SLC6A5: variants seen among roughly 807,000 people sequenced by gnomAD.
The protein encoded by SLC6A5 is solute carrier family 6 member 5.
A neutral mutation model predicts 90.5 loss-of-function variants in SLC6A5; 58 were observed. The observed-to-expected ratio is 0.64, with a 90% CI of 0.52 to 0.80. The LOEUF is 0.80. SLC6A5 is among the 30% of genes least tolerant of loss of function. SLC6A5 has a pLI of 0.00. For synonymous variants in SLC6A5, 427 were observed against 401.4 expected, an observed-to-expected ratio of 1.06 and a Z score of -0.76; for missense variants, 1,015 against 1,017.6, an observed-to-expected ratio of 1.00 and a Z score of 0.03.
At chr11:20,641,645 G>C (rs751556323) in intron 13 of SLC6A5, among the ~76,000 whole-genome samples, 3 of 152,106 alleles carry the variant, frequency 2.0e-5, no homozygotes, top group Non-Finnish European at 4.4e-5. Context: ...ACCAATTTCA[G>C]GGTGTAGTGT....
intron 11 of SLC6A5, 43 bp downstream of exon 11, chr11:20,636,462 A>C: frequency 8.0e-7 from 1 of 1,253,872 alleles, no homozygotes; most frequent in East Asian, 2.3e-5. Flanking sequence ...GCTCCTCTTG[A>C]AGACTCCCCC....
intron 14 of SLC6A5, among the ~76,000 whole-genome samples, chr11:20,648,408 C>T (rs1406482402): frequency 1.3e-5 from 2 of 152,142 alleles, no homozygotes; most frequent in African/African-American, 4.8e-5. Flanking sequence ...CAGCATTGAT[C>T]TCCCTCTGCG....
intron 1 of SLC6A5, among the ~76,000 whole-genome samples, chr11:20,600,526 A>C (rs929016747): frequency 8.5e-5 from 13 of 152,102 alleles, no homozygotes; most frequent in Admixed American, 8.5e-4. Context: ...TCTTAAATTT[A>C]GTTTATTATC....
intron 1 of SLC6A5, among the ~76,000 whole-genome samples, chr11:20,600,789 C>T (rs1031354032): frequency 6.6e-6 from 1 of 152,130 alleles, no homozygotes; most frequent in Non-Finnish European, 1.5e-5. Context: ...TGCGGGCACC[C>T]ACAGCTGTGA....
intron 6 of SLC6A5, among the ~76,000 whole-genome samples, chr11:20,615,500 T>A (rs1426808815): frequency 6.6e-6 from 1 of 152,154 alleles, no homozygotes; most frequent in Admixed American, 6.5e-5. Flanking sequence ...CCCGAGGAGC[T>A]GGGACTACAG....
intron 7 of SLC6A5, among the ~76,000 whole-genome samples, chr11:20,620,171 G>C (rs987647166): frequency 2.0e-5 from 3 of 152,188 alleles, no homozygotes; most frequent in African/African-American, 7.2e-5. Flanking sequence ...TGAGTGGCCA[G>C]ACAGGTGCCT....
At position 20,611,767 on chromosome 11, in the gene SLC6A5, G is replaced by GAAA. The variant is rs56739547; in HGVS notation, c.986-2899_986-2897dup. Among the ~76,000 whole-genome samples, 36 of 144,074 alleles carry GAAA rather than the reference G, an allele frequency of 2.5e-4. No homozygotes were observed. In the East Asian group the frequency reaches 6.1e-3, roughly 24 times the overall value. The allele number at this position is 144,074 out of a possible 152,430, so 94.5% of individuals were successfully genotyped here. On this transcript the variant is annotated intron_variant, in intron 5 of 15. Transcript: ENST00000525748. ...GGTTTATTTGTTTATTTATTTTGGT[G>GAAA]AAAAAAAAAAAAAAACAAGGTGTCA...
chr11:20,634,925 T>C (rs1175102175), intron 10 of SLC6A5, among the ~76,000 whole-genome samples: 1 of 152,196 alleles, frequency 6.6e-6, no homozygotes, highest in Non-Finnish European at 1.5e-5. Flanking sequence ...TTTAGTTTTC[T>C]ACTTACAGGA....
intron 7 of SLC6A5, among the ~76,000 whole-genome samples, chr11:20,624,803 G>A (rs527798845): frequency 2.6e-5 from 4 of 152,294 alleles, no homozygotes; most frequent in South Asian, 2.1e-4. Context: ...CCTGTGAGTC[G>A]AGCGCTGTCA....
intron 7 of SLC6A5, among the ~76,000 whole-genome samples, chr11:20,620,148 C>T (rs1852862624): frequency 1.3e-5 from 2 of 152,158 alleles, no homozygotes; most frequent in Admixed American, 6.5e-5. Flanking sequence ...ACAAGCTGAC[C>T]TCAACCATGA....
At chr11:20,614,981 G>C (rs1022968030) in intron 6 of SLC6A5, among the ~76,000 whole-genome samples, 161 bp downstream of exon 6, 1 of 152,220 alleles carries the variant, frequency 6.6e-6, no homozygotes, top group African/African-American at 2.4e-5. Context: ...GTTGTGTCTT[G>C]TGAGCCTGGA....
Position 20,615,035 on chromosome 11 carries a change from C to A in SLC6A5, c.1127+215C>A, listed in dbSNP as rs139941593. ...GACAGCAGTAGGAGCAGAATCATTG[C>A]GGCTATAATTCATGATGCTGATGAA... On this transcript the variant is annotated intron_variant, in intron 6 of 15. Coordinates refer to ENST00000525748, the MANE Select transcript of SLC6A5 (RefSeq NM_004211.5). Among the ~76,000 whole-genome samples, 137 of 152,252 alleles carry A rather than the reference C, an allele frequency of 9.0e-4. No individual in the cohort carries two copies. In the Middle Eastern group the frequency reaches 0.02, roughly 23 times the overall value.
Position 20,601,539 on chromosome 11 carries a change from G to C in SLC6A5, c.414G>C (p.Lys138Asn). The C allele has an allele frequency of 6.2e-7, 1 of 1,614,152 alleles. No homozygotes were observed. Among genetic ancestry groups the C allele is most frequent in the South Asian group, 1.1e-5 (1 of 91,078 alleles). The change falls in exon 2 of 16, where the codon AAG (lysine) becomes AAC (asparagine). Residue 138 changes from lysine to asparagine, a missense_variant. By Grantham distance (94) the Lys-to-Asn change is moderately conservative. Around this residue, in one of 3 missense-constraint regions of SLC6A5, gnomAD observed 567 missense variants for 507.3 expected, o/e 1.12. Coordinates refer to ENST00000525748, the MANE Select transcript of SLC6A5 (RefSeq NM_004211.5). ...PEGDANVSVGKGTLERNNTPV... is the reference protein window; with the variant it reads ...PEGDANVSVGNGTLERNNTPV... ...GGGATGCGAACGTGAGTGTGGGCAA[G>C]GGCACCCTGGAGCGGAACAATACCC...
chr11:20,633,459 G>C (rs1460684603), intron 10 of SLC6A5, among the ~76,000 whole-genome samples: 3 of 152,186 alleles, frequency 2.0e-5, no homozygotes, highest in Non-Finnish European at 4.4e-5. Context: ...CATATCCTCA[G>C]AGAGCTCATT....
At chr11:20,626,993 A>AT in intron 8 of SLC6A5, 151 bp downstream of exon 8, 1 of 679,774 alleles carries the variant, frequency 1.5e-6, no homozygotes. Flanking sequence ...CTCAGGAAAT[A>AT]TTTAATGAGA....
At position 20,604,423 on chromosome 11, in the gene SLC6A5, A is replaced by G; in HGVS notation, c.678A>G (p.Gly226=). 6.2e-7 allele frequency: 1 copy of G among 1,607,884 alleles called. No individual in the cohort carries two copies. Among genetic ancestry groups the G allele is most frequent in the Non-Finnish European group, 8.5e-7 (1 of 1,176,312 alleles). Residue 226 remains glycine (G), a splice_region_variant and synonymous_variant, in exon 3 of 16, where the codon GGA becomes GGG. Coordinates refer to ENST00000525748, the MANE Select transcript of SLC6A5 (RefSeq NM_004211.5). The stretch of plus-strand genomic sequence containing the variant: ...CCTACCTGGCCTTCCAGAACGGGGG[A>G]GGTATGGCTTTTCCGCTCTTTCCGC... ...RFPYLAFQNG[G]GAFLIPYLMM...
rs1402514118 is a variant in SLC6A5 at position 20,601,206 on chromosome 11, T to C, written c.81T>C (p.Asp27=). Residue 27 remains aspartate, a synonymous_variant, in exon 2 of 16, where the codon GAT becomes GAC. Coordinates refer to ENST00000525748, the MANE Select transcript of SLC6A5 (RefSeq NM_004211.5). ...CGGCGGCGGCGCAGGGCCACCCGGA[T>C]GGCCCATGCGCTCCCAGGACGAGCC... ...PEAAAAQGHP[D]GPCAPRTSPE... is the part of the protein sequence containing the mutation. The C allele has an allele frequency of 1.3e-6, 2 of 1,584,470 alleles. No individual in the cohort carries two copies.
intron 13 of SLC6A5, among the ~76,000 whole-genome samples, chr11:20,640,793 A>G (rs1853298379): frequency 6.6e-6 from 1 of 152,200 alleles, no homozygotes; most frequent in South Asian, 2.1e-4. Flanking sequence ...GCCCCAGACC[A>G]GTGCAGGGTT....
intron 11 of SLC6A5, among the ~76,000 whole-genome samples, chr11:20,636,895 T>A (rs1252853421): frequency 6.6e-6 from 1 of 152,088 alleles, no homozygotes; most frequent in Non-Finnish European, 1.5e-5. Flanking sequence ...ATCTCATGAA[T>A]ACAAAGTGAA....
Sources: allele counts gnomAD v4.1 joint callset (sites outside exome capture counted in the v4.1 genomes callset), GRCh38; gene constraint gnomAD v4.1.1; regional missense constraint gnomAD v4.1.1; transcripts MANE v1.5; gene names NCBI Gene and HGNC (gene_info 2026-07-23, HGNC 2026-07-21).